MOK: variants seen among roughly 807,000 people sequenced by gnomAD.
MOK encodes the protein MOK protein kinase.
A neutral mutation model predicts 54.2 loss-of-function variants in MOK; 59 were observed. The ratio of observed to expected loss-of-function variants is 1.09; its 90% confidence interval spans 0.88 to 1.35. The LOEUF (loss-of-function observed/expected upper bound fraction) is 1.35, where lower values mean the gene tolerates loss of function less well. Among genes scored for constraint, MOK ranks in the 40% most tolerant of loss-of-function variants. The pLI is 0.00. For synonymous variants in MOK, 210 were observed against 202.7 expected, an observed-to-expected ratio of 1.04 and a Z score of -0.31; for missense variants, 517 against 526.2, an observed-to-expected ratio of 0.98 and a Z score of 0.17.
intron 7 of MOK, among the ~76,000 whole-genome samples, chr14:102,248,284 C>T (rs1371463063): frequency 3.3e-5 from 5 of 152,122 alleles, no homozygotes; most frequent in Admixed American, 6.5e-5. Flanking sequence ...TTTATCTAGG[C>T]GCCACGGTAA....
chr14:102,259,987 G>T (rs1217727325), intron 4 of MOK, among the ~76,000 whole-genome samples: 1 of 152,164 alleles, frequency 6.6e-6, no homozygotes, highest in East Asian at 1.9e-4. Flanking sequence ...AGACCAGCCT[G>T]ACCAACATGG....
chr14:102,294,385 G>A (rs531578834), intron 1 of MOK, among the ~76,000 whole-genome samples: 23 of 151,416 alleles, frequency 1.5e-4, no homozygotes, highest in African/African-American at 5.6e-4. Context: ...GGCGGAGCTG[G>A]CAGTGAGCCG....
At chr14:102,274,795 T>C (rs1386466370) in intron 2 of MOK, among the ~76,000 whole-genome samples, 2 of 151,278 alleles carry the variant, frequency 1.3e-5, no homozygotes, top group Non-Finnish European at 2.9e-5. Flanking sequence ...GCCAACATGG[T>C]GAAACCCTGT....
intron 2 of MOK, among the ~76,000 whole-genome samples, chr14:102,269,473 T>A (rs1448062296): frequency 6.7e-6 from 1 of 149,606 alleles, no homozygotes; most frequent in African/African-American, 2.5e-5. Flanking sequence ...AACCAGCTTT[T>A]TTTTTTTTTT....
At chr14:102,254,778 C>T (rs1174490638) in intron 4 of MOK, among the ~76,000 whole-genome samples, 2 of 152,180 alleles carry the variant, frequency 1.3e-5, no homozygotes, top group Non-Finnish European at 2.9e-5. Context: ...AACCATGCCC[C>T]ACCACCCCCT....
intron 2 of MOK, among the ~76,000 whole-genome samples, chr14:102,274,958 GAAAGAGACTCTGTCTCAAAAAAA>G (rs1480612773): frequency 7.2e-6 from 1 of 139,608 alleles, no homozygotes; most frequent in Non-Finnish European, 1.5e-5. Flanking sequence ...CTGCATGACA[GAAAGAGACTCTGTCTCAAAAAAA>G]AAAAAAAAGA....
At chr14:102,293,715 AAAAAAAAAAAAGAAAAGAAAAG>A (rs2071050316) in intron 1 of MOK, among the ~76,000 whole-genome samples, 4 of 150,556 alleles carry the variant, frequency 2.7e-5, no homozygotes, top group Non-Finnish European at 4.4e-5. Flanking sequence ...AAAAAAAAAA[AAAAAAAAAAAAGAAAAGAAAAG>A]AAAAAAAAGA....
chr14:102,224,565 C>A (rs561422767), downstream of MOK: 3 of 456,032 alleles, frequency 6.6e-6, no homozygotes, highest in Middle Eastern at 3.3e-4. Flanking sequence ...TTCTCTAATT[C>A]ATCACATTAA....
intron 1 of MOK, among the ~76,000 whole-genome samples, chr14:102,287,665 TATG>T (rs986856264): frequency 6.6e-6 from 1 of 152,038 alleles, no homozygotes; most frequent in Non-Finnish European, 1.5e-5. Context: ...AAGTTAAAAC[TATG>T]ATGAGATACC....
intron 8 of MOK, 183 bp downstream of exon 8, chr14:102,233,503 GAC>G (rs2064934078): frequency 3.4e-6 from 2 of 580,334 alleles, no homozygotes; most frequent in East Asian, 5.8e-5. Context: ...TCACCTTTGA[GAC>G]CACTTAAAGT....
intron 7 of MOK, 85 bp from the exon 8 acceptor site, chr14:102,233,874 G>T: frequency 1.0e-6 from 1 of 984,468 alleles, no homozygotes; most frequent in South Asian, 1.4e-5. Context: ...GACCGCACAA[G>T]GGGAGATCGT....
intron 1 of MOK, among the ~76,000 whole-genome samples, chr14:102,302,532 C>T (rs2139369443): frequency 6.6e-6 from 1 of 152,060 alleles, no homozygotes; most frequent in East Asian, 1.9e-4. Context: ...TCTCCTGCCT[C>T]AGCCTCCCGA....
At chr14:102,300,959 T>A (rs977291990) in intron 1 of MOK, among the ~76,000 whole-genome samples, 1 of 151,926 alleles carries the variant, frequency 6.6e-6, no homozygotes, top group Admixed American at 6.6e-5. Context: ...TAGCCAGGTG[T>A]GGTGGTGCGC....
chr14:102,234,786 G>A (rs2065062520), intron 7 of MOK, among the ~76,000 whole-genome samples: 1 of 152,124 alleles, frequency 6.6e-6, no homozygotes, highest in African/African-American at 2.4e-5. Context: ...CCTGAAAATG[G>A]CACTTTCGAT....
chr14:102,280,473 C>T (rs2069299291), intron 2 of MOK, among the ~76,000 whole-genome samples: 1 of 152,106 alleles, frequency 6.6e-6, no homozygotes, highest in African/African-American at 2.4e-5. Context: ...GGCCTTCCAA[C>T]GTGCTGGGAT....
In MOK at chr14:102,232,528, T is replaced by A. The variant is rs2064825018; in HGVS notation, c.866+7A>T. On this transcript the variant is annotated splice_region_variant and intron_variant, in intron 9 of 11. Coordinates refer to ENST00000361847, the MANE Select transcript of MOK (RefSeq NM_014226.3). This position sits in a 1 kb window ranked among gnomAD's most constrained non-coding sequence, Gnocchi z 5.1. ...ATCTGCCCCACCGAACCCACGAGAGTGCCTACCTCTGTTCTTGGAAGTAGG... is the reference window on the plus strand; with the variant it reads ...ATCTGCCCCACCGAACCCACGAGAGAGCCTACCTCTGTTCTTGGAAGTAGG... 2 of 1,608,700 alleles carry A rather than the reference T, an allele frequency of 1.2e-6. No individual in the cohort carries two copies. Among genetic ancestry groups the A allele is most frequent in the Non-Finnish European group, 1.7e-6 (2 of 1,176,588 alleles).
intron 7 of MOK, among the ~76,000 whole-genome samples, chr14:102,239,464 G>C (rs1382606138): frequency 7.9e-6 from 1 of 126,524 alleles, no homozygotes; most frequent in African/African-American, 2.5e-5. Context: ...GTACCTCCCA[G>C]CACTCTCCCT....
intron 1 of MOK, among the ~76,000 whole-genome samples, chr14:102,284,590 T>C (rs74082272): frequency 0.018 from 2,740 of 152,114 alleles, 93 homozygotes; most frequent in African/African-American, 0.063. Context: ...ACAGCCCAAA[T>C]AATAGGAGAG....
chr14:102,241,425 C>T (rs925171246), intron 7 of MOK, among the ~76,000 whole-genome samples: 4 of 152,234 alleles, frequency 2.6e-5, no homozygotes, highest in African/African-American at 9.6e-5. Context: ...CAACAATTTC[C>T]TCTTAAGGAG....
Sources: allele counts gnomAD v4.1 joint callset (sites outside exome capture counted in the v4.1 genomes callset), GRCh38; gene constraint gnomAD v4.1.1; non-coding constraint Gnocchi (gnomAD v3.1); transcripts MANE v1.5; gene names NCBI Gene and HGNC (gene_info 2026-07-23, HGNC 2026-07-21).